Variants in ABAT observed in about 807,000 individuals in gnomAD.
ABAT encodes 4-aminobutyrate aminotransferase, mitochondrial.
In ABAT, 45 loss-of-function variants were observed where a neutral mutation model predicts 64.6. The ratio of observed to expected loss-of-function variants is 0.70; its 90% confidence interval spans 0.55 to 0.89. The LOEUF is 0.89. Ranked by LOEUF, ABAT falls within the 40% of genes least tolerant of loss-of-function variation. ABAT has a pLI of 0.00. For missense variants in ABAT, 633 were observed against 658.4 expected (o/e 0.96, Z 0.42); for synonymous variants, 297 against 250.5 (o/e 1.19, Z -1.75).
intron 11 of ABAT, among the ~76,000 whole-genome samples, chr16:8,771,871 C>A (rs1237885475): frequency 6.6e-6 from 1 of 151,622 alleles, no homozygotes; most frequent in Non-Finnish European, 1.5e-5. Context: ...TTCAAGGGGT[C>A]CTCCCACCTC....
At chr16:8,721,051 C>T (rs2058354871) in intron 1 of ABAT, 1 of 152,172 alleles carries the variant, frequency 6.6e-6, no homozygotes, top group Non-Finnish European at 1.5e-5. Flanking sequence ...TCTGCCAGCC[C>T]ACAAAATAGT....
intron 1 of ABAT, among the ~76,000 whole-genome samples, chr16:8,682,184 G>GACAC (rs1210693818): frequency 0.011 from 961 of 87,644 alleles, 15 homozygotes; most frequent in African/African-American, 0.037. Flanking sequence ...TGCCTAACAG[G>GACAC]ATACACACAC....
intron 11 of ABAT, among the ~76,000 whole-genome samples, chr16:8,771,683 G>T (rs571156167): frequency 6.6e-6 from 1 of 152,082 alleles, no homozygotes; most frequent in African/African-American, 2.4e-5. Flanking sequence ...TAGCCAGGCT[G>T]GTCTGGAACT....
At chr16:8,754,979 A>C (rs1270219952) in intron 5 of ABAT, among the ~76,000 whole-genome samples, 2 of 152,026 alleles carry the variant, frequency 1.3e-5, no homozygotes, top group African/African-American at 4.8e-5. Flanking sequence ...TCGGCCTCCC[A>C]AGTGAGATTC....
chr16:8,712,502 C>T (rs2142092856), intron 1 of ABAT, among the ~76,000 whole-genome samples: 1 of 152,252 alleles, frequency 6.6e-6, no homozygotes, highest in African/African-American at 2.4e-5. Context: ...GTCTAGGCGC[C>T]GTGGCTCACT....
chr16:8,775,010 A>T lies in ABAT; in HGVS notation c.1075A>T (p.Met359Leu). 1 of 1,614,234 alleles carries T rather than the reference A, an allele frequency of 6.2e-7. No individual in the cohort carries two copies. The highest frequency in any genetic ancestry group is 8.5e-7 in the Non-Finnish European group (1 of 1,180,040). The change falls in exon 13 of 16, where the codon ATG becomes TTG. Residue 359 changes from methionine to leucine, a missense_variant. Met to Leu is a conservative substitution (Grantham distance 15). Coordinates refer to ENST00000268251, the MANE Select transcript of ABAT (RefSeq NM_020686.6). ...PADVMTFSKK[M>L]MTGGFFHKEE... ...AGACGTGATGACCTTCAGCAAGAAG[A>T]TGATGACTGGGGGCTTCTTCCACAA... is the stretch of plus-strand genomic sequence containing the variant.
chr16:8,743,589 T>G (rs1051450965), intron 2 of ABAT, among the ~76,000 whole-genome samples: 1 of 145,202 alleles, frequency 6.9e-6, no homozygotes, highest in Non-Finnish European at 1.5e-5. Context: ...TAATATATTT[T>G]AGTTGTAATA....
chr16:8,687,217 T>G (rs1350110497), intron 1 of ABAT, among the ~76,000 whole-genome samples: 1 of 152,178 alleles, frequency 6.6e-6, no homozygotes, highest in East Asian at 1.9e-4. Context: ...GAGCAGGTGC[T>G]AGTCTTGGGT....
chr16:8,754,492 T>C (rs1596457470), intron 5 of ABAT, among the ~76,000 whole-genome samples: 1 of 152,268 alleles, frequency 6.6e-6, no homozygotes, highest in East Asian at 1.9e-4. Context: ...AGCGATTGCA[T>C]GTTCAAATTC....
chr16:8,718,120 C>A (rs1225796316), intron 1 of ABAT, among the ~76,000 whole-genome samples: 1 of 152,176 alleles, frequency 6.6e-6, no homozygotes, highest in African/African-American at 2.4e-5. Context: ...CATCCTCAGT[C>A]TCATAGCGCT....
intron 6 of ABAT, among the ~76,000 whole-genome samples, chr16:8,762,187 C>G (rs1381240929): frequency 6.6e-6 from 1 of 152,168 alleles, no homozygotes; most frequent in Admixed American, 6.6e-5. Context: ...TCTTATGTCA[C>G]CAGGCCCATC....
At chr16:8,710,953 G>C (rs548034532) in intron 1 of ABAT, among the ~76,000 whole-genome samples, 3 of 152,296 alleles carry the variant, frequency 2.0e-5, no homozygotes, top group Non-Finnish European at 4.4e-5. Flanking sequence ...TCCCATATCA[G>C]TACATAAAGC....
At chr16:8,677,594 A>C (rs865968154) in intron 1 of ABAT, among the ~76,000 whole-genome samples, 21 of 151,250 alleles carry the variant, frequency 1.4e-4, no homozygotes, top group African/African-American at 4.6e-4. Context: ...TTGTTGTGGG[A>C]CTCCCCTGTG....
At chr16:8,732,558 G>A (rs1418740183) in intron 1 of ABAT, among the ~76,000 whole-genome samples, 1 of 151,618 alleles carries the variant, frequency 6.6e-6, no homozygotes, top group Non-Finnish European at 1.5e-5. Flanking sequence ...AGATCAACAG[G>A]ATCCCAAGGC....
rs370896164 is a variant in ABAT, at chr16:8,767,712, G to T, written c.604-481G>T. ...TGTTTTGAGACAGAGTCTCGCTCTT[G>T]TTGACCAGGCTGGGGTGCAGTGGCG... is the stretch of plus-strand genomic sequence containing the variant. On this transcript the variant is annotated intron_variant, in intron 9 of 15. Coordinates refer to ENST00000268251, the MANE Select transcript of ABAT (RefSeq NM_020686.6). 1.8e-4 allele frequency among the ~76,000 whole-genome samples: 28 copies of T among 152,282 alleles called. No homozygotes were observed. In the East Asian group the frequency reaches 2.7e-3, roughly 15 times the overall value.
At chr16:8,685,238 A>T (rs577954680) in intron 1 of ABAT, among the ~76,000 whole-genome samples, 1 of 152,226 alleles carries the variant, frequency 6.6e-6, no homozygotes, top group South Asian at 2.1e-4. Flanking sequence ...GTGAGCCAGG[A>T]TCACGCCATT....
intron 1 of ABAT, among the ~76,000 whole-genome samples, chr16:8,704,785 G>C (rs368775309): frequency 1.3e-5 from 2 of 152,136 alleles, no homozygotes; most frequent in African/African-American, 4.8e-5. Flanking sequence ...CAACTTATTT[G>C]AGCAATCCTC....
chr16:8,779,718 C>T, intron 15 of ABAT, 128 bp downstream of exon 15: 1 of 735,110 alleles, frequency 1.4e-6, no homozygotes. Context: ...CTGAAAAGAG[C>T]CTGAATGCTC....
chr16:8,681,919 G>C (rs181346702), intron 1 of ABAT, among the ~76,000 whole-genome samples: 2 of 152,228 alleles, frequency 1.3e-5, no homozygotes, highest in African/African-American at 2.4e-5. Flanking sequence ...TGGGATTACA[G>C]GCTGAGCCAC....
Sources: gnomAD v4.1 joint callset for allele counts (sites outside exome capture counted in the v4.1 genomes callset) on GRCh38, gnomAD v4.1.1 for gene constraint, MANE v1.5 for transcripts, NCBI Gene and HGNC (gene_info 2026-07-23, HGNC 2026-07-21) for gene names.